The following ZEB2 variants were observed in gnomAD, a reference collection of about 807,000 sequenced individuals.
ZEB2 encodes the protein zinc finger E-box binding homeobox 2.
Under a neutral mutation model 99.9 loss-of-function variants are expected in ZEB2, and 6 were observed. The ratio of observed to expected loss-of-function variants is 0.06; its 90% CI spans 0.03 to 0.12. ZEB2 has a LOEUF of 0.12. ZEB2 is among the 10% of genes least tolerant of loss of function. The pLI, the probability that ZEB2 is intolerant of heterozygous loss-of-function variation, is 1.00. For missense variants in ZEB2, 969 were observed against 1,502.8 expected (o/e 0.64, Z 5.87); for synonymous variants, 517 against 542.5 (o/e 0.95, Z 0.65).
chr2:144,435,403 T>C (rs1250482322), intron 2 of ZEB2, among the ~76,000 whole-genome samples: 4 of 151,678 alleles, frequency 2.6e-5, no homozygotes, highest in Non-Finnish European at 5.9e-5. Flanking sequence ...AGGTCAGGAG[T>C]TTGTGATCAG....
chr2:144,390,160 C>T, intron 9 of ZEB2, 132 bp from the exon 10 acceptor site: 1 of 966,688 alleles, frequency 1.0e-6, no homozygotes, highest in South Asian at 1.4e-5. Context: ...ACACCCCGGT[C>T]TAATCGATGG....
At chr2:144,448,272 A>C (rs1190316151) in intron 2 of ZEB2, among the ~76,000 whole-genome samples, 1 of 152,108 alleles carries the variant, frequency 6.6e-6, no homozygotes, top group Non-Finnish European at 1.5e-5. Context: ...TGAAATATAT[A>C]ATTTAGGAGT....
At chr2:144,456,040 T>A (rs1322854384) in intron 2 of ZEB2, among the ~76,000 whole-genome samples, 1 of 152,178 alleles carries the variant, frequency 6.6e-6, no homozygotes, top group South Asian at 2.1e-4. Flanking sequence ...AACTTAAAGA[T>A]GGCGAACTCA....
At chr2:144,416,731 CCTTTCTCT>C (rs1218346456) in intron 4 of ZEB2, among the ~76,000 whole-genome samples, 2 of 152,152 alleles carry the variant, frequency 1.3e-5, no homozygotes, top group African/African-American at 4.8e-5. Context: ...TACATTTCAG[CCTTTCTCT>C]CTTTCTCTCT....
rs1703104313 is a variant in ZEB2 at position 144,387,703 on chromosome 2, T to G, written c.*1748A>C. The G allele has an allele frequency of 6.6e-6, 1 of 152,190 alleles. No individual in the cohort carries two copies. Among genetic ancestry groups the G allele is most frequent in the South Asian group, 2.1e-4 (1 of 4,836 alleles). 9.4% of individuals were successfully genotyped at this position (152,190 alleles called of 1,614,324 possible). A position where few individuals can be genotyped will look rare whatever the true frequency, so the allele number is the denominator to read the frequency against. The stretch of plus-strand genomic sequence containing the variant: ...ACCCCTTGGACAGAGAAGTGAATTT[T>G]TAACACATAATCTCTAAATACTCGT... On this transcript the variant is annotated 3_prime_UTR_variant, in exon 10 of 10. Transcript: ENST00000627532.
intron 2 of ZEB2, among the ~76,000 whole-genome samples, chr2:144,474,390 A>G (rs1034291171): frequency 6.6e-6 from 1 of 152,220 alleles, no homozygotes; most frequent in Non-Finnish European, 1.5e-5. Flanking sequence ...TTGAAGTTCC[A>G]TTAAAAAAGT....
At chr2:144,506,820 CTTGAG>C (rs1471174929) in intron 2 of ZEB2, among the ~76,000 whole-genome samples, 2 of 151,916 alleles carry the variant, frequency 1.3e-5, no homozygotes, top group African/African-American at 4.8e-5. Flanking sequence ...AGTACCTTTC[CTTGAG>C]TTATTATAAA....
At chr2:144,420,140 C>G (rs920616476) in intron 4 of ZEB2, among the ~76,000 whole-genome samples, 1 of 152,200 alleles carries the variant, frequency 6.6e-6, no homozygotes, top group African/African-American at 2.4e-5. Flanking sequence ...CATGTGTGCT[C>G]CCTGCTATAA....
chr2:144,457,554 G>C (rs1704136781), intron 2 of ZEB2, among the ~76,000 whole-genome samples: 1 of 152,100 alleles, frequency 6.6e-6, no homozygotes, highest in Non-Finnish European at 1.5e-5. Context: ...GAAGAGAGAA[G>C]GAGGAGAGAA....
chr2:144,420,771 G>T (rs953146438), intron 4 of ZEB2, among the ~76,000 whole-genome samples: 6 of 152,220 alleles, frequency 3.9e-5, no homozygotes, highest in Middle Eastern at 3.4e-3. Context: ...GGGTCTGAAG[G>T]GATAGCATGG....
chr2:144,460,826 G>T (rs927025284), intron 2 of ZEB2, among the ~76,000 whole-genome samples: 1 of 151,956 alleles, frequency 6.6e-6, no homozygotes, highest in African/African-American at 2.4e-5. Context: ...CTGTCATTTT[G>T]ATAGAGCAAA....
intron 2 of ZEB2, among the ~76,000 whole-genome samples, chr2:144,441,883 A>G (rs16823722): frequency 0.014 from 2,102 of 152,314 alleles, 50 homozygotes; most frequent in African/African-American, 0.047. Flanking sequence ...ACATTATCTT[A>G]CAGAGCAGAA....
intron 2 of ZEB2, among the ~76,000 whole-genome samples, chr2:144,449,397 G>A (rs981766194): frequency 6.6e-6 from 1 of 151,968 alleles, no homozygotes; most frequent in Non-Finnish European, 1.5e-5. Flanking sequence ...CATCCTAAAT[G>A]ACAAACTAAA....
chr2:144,485,911 G>A lies in ZEB2; in HGVS notation c.73+31367C>T, dbSNP rs140624011. Among the ~76,000 whole-genome samples the A allele has an allele frequency of 1.6e-3, 251 of 152,246 alleles. 2 individuals are homozygous for A. The highest frequency in any genetic ancestry group is 0.01 in the Middle Eastern group (3 of 294). ...TGGGATTACAGGTGTGAGCCACTGC[G>A]CCTGGCCTCTCTCTTCCTTTTCTTC... On this transcript the variant is annotated intron_variant, in intron 2 of 9. Transcript: ENST00000627532.
chr2:144,473,463 A>G (rs995458087), intron 2 of ZEB2, among the ~76,000 whole-genome samples: 4 of 152,090 alleles, frequency 2.6e-5, no homozygotes, highest in Non-Finnish European at 5.9e-5. Context: ...GGGTCCCACT[A>G]TGTTGCTCAG....
intron 4 of ZEB2, chr2:144,424,526 C>A: frequency 1.6e-6 from 1 of 629,052 alleles, no homozygotes; most frequent in Non-Finnish European, 2.9e-6. Context: ...AGAAATTCAC[C>A]CAACTCATGC....
intron 2 of ZEB2, among the ~76,000 whole-genome samples, chr2:144,470,805 G>A (rs1412218150): frequency 6.6e-6 from 1 of 152,066 alleles, no homozygotes; most frequent in Non-Finnish European, 1.5e-5. Flanking sequence ...CAGCAGACTG[G>A]AACAAGACCC....
At chr2:144,510,933 T>C (rs1468621680) in intron 2 of ZEB2, among the ~76,000 whole-genome samples, 1 of 152,210 alleles carries the variant, frequency 6.6e-6, no homozygotes, top group African/African-American at 2.4e-5. Flanking sequence ...ACCTAAGGCA[T>C]TCAAAAGACC....
chr2:144,475,169 G>C (rs1163556407), intron 2 of ZEB2, among the ~76,000 whole-genome samples: 1 of 152,098 alleles, frequency 6.6e-6, no homozygotes, highest in Non-Finnish European at 1.5e-5. Context: ...CAAATGTCCT[G>C]CCCTGTTTTG....
Sources: allele counts gnomAD v4.1 joint callset (sites outside exome capture counted in the v4.1 genomes callset), GRCh38; gene constraint gnomAD v4.1.1; transcripts MANE v1.5; gene names NCBI Gene and HGNC (gene_info 2026-07-23, HGNC 2026-07-21).